TANC2: variants seen among roughly 807,000 people sequenced by gnomAD.
TANC2 encodes tetratricopeptide repeat, ankyrin repeat and coiled-coil containing 2, also known as protein TANC2.
In TANC2, 26 loss-of-function variants were observed where a neutral mutation model predicts 210.5. The observed-to-expected ratio is 0.12, with a 90% CI of 0.09 to 0.17. The LOEUF is 0.17. Ranked by LOEUF, TANC2 falls within the 10% of genes least tolerant of loss-of-function variation. TANC2 has a pLI of 1.00. For missense variants in TANC2, 2,129 were observed against 2,608.9 expected, an observed-to-expected ratio of 0.82 and a Z score of 4.01; for synonymous variants, 931 against 967.1, an observed-to-expected ratio of 0.96 and a Z score of 0.69.
intron 14 of TANC2, among the ~76,000 whole-genome samples, chr17:63,358,202 G>C (rs2046833749): frequency 6.6e-6 from 1 of 152,192 alleles, no homozygotes; most frequent in Non-Finnish European, 1.5e-5. Context: ...CTACAGCTGA[G>C]ATTGAGTTTT....
intron 5 of TANC2, among the ~76,000 whole-genome samples, chr17:63,169,816 A>AAATAAT (rs759782173): frequency 6.6e-6 from 1 of 151,422 alleles, no homozygotes; most frequent in Non-Finnish European, 1.5e-5. Context: ...CCATCTCAAA[A>AAATAAT]AATAATAATA....
At chr17:63,086,737 T>C (rs2036980987) in intron 3 of TANC2, among the ~76,000 whole-genome samples, 1 of 152,120 alleles carries the variant, frequency 6.6e-6, no homozygotes, top group Non-Finnish European at 1.5e-5. Flanking sequence ...TTGGAGAACT[T>C]TTCTCTTACA....
chr17:63,414,508 C>T lies in TANC2; in HGVS notation c.4020+874C>T, dbSNP rs926125716. Among the ~76,000 whole-genome samples, 20 of 152,246 alleles carry T rather than the reference C, an allele frequency of 1.3e-4. No homozygotes were observed. The South Asian group carries it at 3.9e-3, about 30-fold the overall frequency. On this transcript the variant is annotated intron_variant, in intron 25 of 27. Coordinates refer to ENST00000689528, the Ensembl canonical transcript of TANC2. Reference sequence around the variant, plus strand: ...GTGACTTCATAGAAGGTCCTCATTACCCTAGATGTCATATTTATGGACTTC... The same window carrying T: ...GTGACTTCATAGAAGGTCCTCATTATCCTAGATGTCATATTTATGGACTTC...
At chr17:63,172,744 TTATAAA>T (rs1452081020) in intron 5 of TANC2, among the ~76,000 whole-genome samples, 2 of 152,176 alleles carry the variant, frequency 1.3e-5, no homozygotes, top group African/African-American at 4.8e-5. Context: ...ACTTAGTATG[TTATAAA>T]TATATATAAA....
intron 4 of TANC2, among the ~76,000 whole-genome samples, chr17:63,135,977 A>G (rs1311984751): frequency 6.6e-6 from 1 of 152,224 alleles, no homozygotes; most frequent in African/African-American, 2.4e-5. Context: ...TGCAAAAATA[A>G]TAAAATAGGT....
At chr17:62,982,911 G>A (rs773682056) in intron 1 of TANC2, among the ~76,000 whole-genome samples, 3 of 152,100 alleles carry the variant, frequency 2.0e-5, no homozygotes, top group Admixed American at 6.5e-5. Flanking sequence ...CTCCAACTTC[G>A]TTCTTTTTGC....
At chr17:63,234,638 G>GT (rs11379048) in intron 7 of TANC2, among the ~76,000 whole-genome samples, 43,333 of 149,592 alleles carry the variant, frequency 0.29, 6,265 homozygotes, top group African/African-American at 0.32. Context: ...GGTGCTAAAA[G>GT]TTTTTTTTTT....
chr17:63,107,326 C>G (rs1477574221), intron 4 of TANC2, among the ~76,000 whole-genome samples: 3 of 151,354 alleles, frequency 2.0e-5, no homozygotes, highest in Admixed American at 2.0e-4. Context: ...AAAATATATA[C>G]CAAATAAATG....
chr17:63,044,739 T>C (rs2035314599), intron 2 of TANC2, among the ~76,000 whole-genome samples: 1 of 152,194 alleles, frequency 6.6e-6, no homozygotes, highest in African/African-American at 2.4e-5. Context: ...CCAGTAGTCA[T>C]ATGGTCAGAT....
rs759496156 is a variant in TANC2 at position 63,395,733 on chromosome 17, C to G, written c.3052-10C>G. 2 of 1,612,400 alleles carry G rather than the reference C, an allele frequency of 1.2e-6. No homozygotes were observed. The highest frequency in any genetic ancestry group is 1.7e-4 in the Middle Eastern group (1 of 5,932). On this transcript the variant is annotated splice_polypyrimidine_tract_variant and intron_variant, in intron 17 of 27. Transcript: ENST00000689528. Reference sequence around the variant, plus strand: ...TGTGTTCACACATATCTCCTGTCCTCTCCTCTTAGGTGGATCATTTGGATA... The same window carrying G: ...TGTGTTCACACATATCTCCTGTCCTGTCCTCTTAGGTGGATCATTTGGATA...
chr17:63,152,650 A>G (rs980057790), intron 5 of TANC2: 4 of 152,170 alleles, frequency 2.6e-5, no homozygotes. Context: ...CTTCTTGGGC[A>G]GTCGAATATT....
chr17:63,043,464 A>T (rs1046574959), intron 2 of TANC2, among the ~76,000 whole-genome samples: 1 of 152,136 alleles, frequency 6.6e-6, no homozygotes, highest in Admixed American at 6.5e-5. Context: ...AATAAATTCT[A>T]TCATTTTACT....
intron 4 of TANC2, chr17:63,149,757 T>C (rs1444612614): frequency 6.6e-6 from 1 of 152,158 alleles, no homozygotes; most frequent in African/African-American, 2.4e-5. Flanking sequence ...ACTTGAGATC[T>C]TTATTTGTAA....
At chr17:63,054,782 T>C (rs191201180) in intron 2 of TANC2, among the ~76,000 whole-genome samples, 2 of 152,214 alleles carry the variant, frequency 1.3e-5, no homozygotes, top group African/African-American at 4.8e-5. Context: ...GCATTAAGTG[T>C]ATCCAGTTCT....
intron 7 of TANC2, among the ~76,000 whole-genome samples, chr17:63,230,480 C>T (rs1484269608): frequency 6.6e-6 from 1 of 152,060 alleles, no homozygotes; most frequent in African/African-American, 2.4e-5. Flanking sequence ...TGGTACATTG[C>T]CTGTTTGTTA....
chr17:63,260,799 T>G (rs1383750489), intron 8 of TANC2, among the ~76,000 whole-genome samples: 2 of 152,162 alleles, frequency 1.3e-5, no homozygotes, highest in Non-Finnish European at 2.9e-5. Context: ...CTACATTCTG[T>G]GATATTGCTT....
chr17:63,017,451 A>C (rs1428646630), intron 2 of TANC2, among the ~76,000 whole-genome samples: 1 of 151,974 alleles, frequency 6.6e-6, no homozygotes, highest in Non-Finnish European at 1.5e-5. Context: ...GTTTTTGTTC[A>C]CTGTTCTGTT....
intron 7 of TANC2, among the ~76,000 whole-genome samples, chr17:63,201,171 C>T (rs2041519453): frequency 1.3e-5 from 2 of 151,938 alleles, no homozygotes; most frequent in Non-Finnish European, 2.9e-5. Flanking sequence ...TCAGGATATT[C>T]CCTGATAAGA....
chr17:62,983,839 CTT>C (rs1248148329), intron 1 of TANC2, among the ~76,000 whole-genome samples: 2 of 151,998 alleles, frequency 1.3e-5, no homozygotes, highest in Non-Finnish European at 2.9e-5. Context: ...GGTGTATTAT[CTT>C]TTTGATGTGT....
Sources: gnomAD v4.1 joint callset for allele counts (sites outside exome capture counted in the v4.1 genomes callset) on GRCh38, gnomAD v4.1.1 for gene constraint, MANE v1.5 for transcripts, NCBI Gene and HGNC (gene_info 2026-07-23, HGNC 2026-07-21) for gene names.